The following ZSWIM7 variants were observed in gnomAD, a reference collection of about 807,000 sequenced individuals.
The protein encoded by ZSWIM7 is zinc finger SWIM-type containing 7, also known as zinc finger SWIM domain-containing protein 7.
ZSWIM7 carries 22 observed loss-of-function variants against 21.1 expected under a neutral mutation model. That is an observed-to-expected ratio of 1.04 (90% confidence interval 0.74 to 1.49). The LOEUF (loss-of-function observed/expected upper bound fraction) is 1.49, where lower values mean the gene tolerates loss of function less well. Ranked by LOEUF, ZSWIM7 falls within the 40% of genes most tolerant of loss-of-function variation. The pLI is 0.00. For synonymous variants in ZSWIM7, 67 were observed against 66.5 expected, an observed-to-expected ratio of 1.01 and a Z score of -0.04; for missense variants, 193 against 168.0, an observed-to-expected ratio of 1.15 and a Z score of -0.82.
chr17:15,976,931 A>G lies in ZSWIM7; in HGVS notation c.*1116T>C, dbSNP rs1264458978. Reference sequence around the variant, plus strand: ...GATTTCATTTTCATCTTCACGTATTATTGCTTCTTTGCTCTCTCGGTGTCC... The same window carrying G: ...GATTTCATTTTCATCTTCACGTATTGTTGCTTCTTTGCTCTCTCGGTGTCC... On this transcript the variant is annotated 3_prime_UTR_variant, in exon 5 of 5. Coordinates refer to ENST00000399277, the MANE Select transcript of ZSWIM7 (RefSeq NM_001042697.2). 6.6e-6 allele frequency: 1 copy of G among 151,294 alleles called. No homozygotes were observed. The highest frequency in any genetic ancestry group is 1.9e-4 in the East Asian group (1 of 5,160). 9.4% of individuals were successfully genotyped at this position (151,294 alleles called of 1,614,324 possible). A position where few individuals can be genotyped will look rare whatever the true frequency, so the allele number is the denominator to read the frequency against.
chr17:15,999,478 C>T (rs1970637760), intron 1 of ZSWIM7, 41 bp downstream of exon 1: 2 of 1,590,738 alleles, frequency 1.3e-6, no homozygotes, highest in Non-Finnish European at 1.7e-6. Context: ...GATGCCCCGC[C>T]CGCGCCCATG....
chr17:15,995,981 A>C (rs1344666184), intron 1 of ZSWIM7, among the ~76,000 whole-genome samples: 1 of 152,252 alleles, frequency 6.6e-6, no homozygotes, highest in Non-Finnish European at 1.5e-5. Flanking sequence ...CTAGAAGCTA[A>C]GATGTAGTGG....
chr17:15,996,685 T>C lies in ZSWIM7; in HGVS notation c.76+2834A>G, dbSNP rs7217279. On this transcript the variant is annotated intron_variant, in intron 1 of 4. Coordinates refer to ENST00000399277, the MANE Select transcript of ZSWIM7 (RefSeq NM_001042697.2). ...GGGCAACACAGTGAAACCCCGTCTC[T>C]ACAAACAATACAAAAACTAGCTGGG... 8.0e-3 allele frequency among the ~76,000 whole-genome samples: 1,211 copies of C among 152,138 alleles called. 22 individuals are homozygous for C. Among genetic ancestry groups the C allele is most frequent in the African/African-American group, 0.028 (1,153 of 41,478 alleles).
At chr17:15,979,056 T>C (rs1187043350) in intron 4 of ZSWIM7, among the ~76,000 whole-genome samples, 1 of 150,410 alleles carries the variant, frequency 6.6e-6, no homozygotes, top group Non-Finnish European at 1.5e-5. Context: ...GGCAGGGTCA[T>C]AGGACAATAG....
At chr17:15,987,540 A>C (rs980980484) in intron 2 of ZSWIM7, among the ~76,000 whole-genome samples, 172 bp from the exon 3 acceptor site, 1 of 152,092 alleles carries the variant, frequency 6.6e-6, no homozygotes, top group East Asian at 1.9e-4. Context: ...ATTAATGTTA[A>C]TATCTTGTGT....
intron 2 of ZSWIM7, among the ~76,000 whole-genome samples, chr17:15,991,913 TGTTTGTTTTGTTTTGTTTTG>T (rs1567571376): frequency 1.6e-5 from 1 of 61,040 alleles, no homozygotes; most frequent in East Asian, 2.7e-4. Context: ...TGTTTTTTTT[TGTTTGTTTTGTTTTGTTTTG>T]TTTTTTTTTT....
In ZSWIM7 at chr17:15,978,180, A is replaced by G. The variant is rs770596313; in HGVS notation, c.307-17T>C. The G allele has an allele frequency of 1.7e-5, 27 of 1,593,202 alleles. No homozygotes were observed. The South Asian group carries it at 2.5e-4, about 15-fold the overall frequency. On this transcript the variant is annotated splice_polypyrimidine_tract_variant and intron_variant, in intron 4 of 4. Transcript: ENST00000399277. ...ATGCTTGCACTGGAATATAAAACAC[A>G]CACACCTATTAGAAACAGGCAGGGC...
chr17:15,993,844 TA>T lies in ZSWIM7; in HGVS notation c.77-67del, dbSNP rs1970514172. The T allele has an allele frequency of 1.3e-5, 16 of 1,247,388 alleles. No homozygotes were observed. The Admixed American group carries it at 2.1e-4, about 17-fold the overall frequency. 77.3% of individuals were successfully genotyped at this position (1,247,388 alleles called of 1,614,324 possible). A position where few individuals can be genotyped will look rare whatever the true frequency, so the allele number is the denominator to read the frequency against. On this transcript the variant is annotated intron_variant, in intron 1 of 4. Coordinates refer to ENST00000399277, the MANE Select transcript of ZSWIM7 (RefSeq NM_001042697.2). ...GCAGTGACCATTGACATAAAAATCT[TA>T]AAAAACACTGTAACTAAAAACACTT...
chr17:15,981,693 G>C (rs1227163307), intron 3 of ZSWIM7, among the ~76,000 whole-genome samples: 1 of 152,004 alleles, frequency 6.6e-6, no homozygotes, highest in Admixed American at 6.6e-5. Context: ...AGGATCACTT[G>C]ACCCCCCCCA....
At chr17:15,993,853 C>G in intron 1 of ZSWIM7, 75 bp from the exon 2 acceptor site, 1 of 1,185,506 alleles carries the variant, frequency 8.4e-7, no homozygotes, top group Non-Finnish European at 1.2e-6. Flanking sequence ...TTAAAAAACA[C>G]TGTAACTAAA....
In ZSWIM7 at chr17:15,999,622, C is replaced by T. The variant is rs1158332806; in HGVS notation, c.-28G>A. On this transcript the variant is annotated 5_prime_UTR_variant, in exon 1 of 5. Coordinates refer to ENST00000399277, the MANE Select transcript of ZSWIM7 (RefSeq NM_001042697.2). Reference sequence around the variant, plus strand: ...CGCCGCAGGACACGCCCTCCACGACCGGCGGACCGCCGCGACGCTCCAGCT... The same window carrying T: ...CGCCGCAGGACACGCCCTCCACGACTGGCGGACCGCCGCGACGCTCCAGCT... 3 of 1,566,326 alleles carry T rather than the reference C, an allele frequency of 1.9e-6. No individual in the cohort carries two copies. In the South Asian group the frequency reaches 3.5e-5, roughly 18 times the overall value.
intron 2 of ZSWIM7, among the ~76,000 whole-genome samples, chr17:15,990,625 T>G (rs1970470436): frequency 6.6e-6 from 1 of 152,134 alleles, no homozygotes; most frequent in African/African-American, 2.4e-5. Flanking sequence ...TTTAAAGAAC[T>G]TATATGACTT....
intron 1 of ZSWIM7, among the ~76,000 whole-genome samples, chr17:15,996,393 C>T (rs1390318758): frequency 1.3e-5 from 2 of 152,084 alleles, no homozygotes; most frequent in Non-Finnish European, 2.9e-5. Flanking sequence ...CAACTATAAT[C>T]CCAGCACTTT....
intron 1 of ZSWIM7, chr17:15,999,292 G>A: frequency 1.5e-6 from 1 of 660,698 alleles, no homozygotes. Flanking sequence ...TCCTGCAACT[G>A]CGCTGTACCG....
At chr17:15,987,764 C>T (rs1189621535) in intron 2 of ZSWIM7, among the ~76,000 whole-genome samples, 1 of 152,098 alleles carries the variant, frequency 6.6e-6, no homozygotes. Flanking sequence ...GCATGTGCCA[C>T]CACACCCGGC....
chr17:15,979,861 T>C lies in ZSWIM7; in HGVS notation c.306+1179A>G, dbSNP rs1336731321. Reference sequence around the variant, plus strand: ...CCACCTCCCTCCCGGACGGGGCGGCTGGCCGGGCGGGGGGCTGACCCCCCC... The same window carrying C: ...CCACCTCCCTCCCGGACGGGGCGGCCGGCCGGGCGGGGGGCTGACCCCCCC... On this transcript the variant is annotated intron_variant, in intron 4 of 4. Coordinates refer to ENST00000399277, the MANE Select transcript of ZSWIM7 (RefSeq NM_001042697.2). Among the ~76,000 whole-genome samples the C allele has an allele frequency of 3.6e-4, 32 of 89,928 alleles. 5 individuals are homozygous for C. Among genetic ancestry groups the C allele is most frequent in the Non-Finnish European group, 5.8e-4 (26 of 44,720 alleles). 59.0% of individuals were successfully genotyped at this position (89,928 alleles called of 152,430 possible). A position where few individuals can be genotyped will look rare whatever the true frequency, so the allele number is the denominator to read the frequency against.
intron 2 of ZSWIM7, among the ~76,000 whole-genome samples, chr17:15,987,593 G>A (rs1373015379): frequency 6.6e-6 from 1 of 151,758 alleles, no homozygotes; most frequent in Non-Finnish European, 1.5e-5. Context: ...ATGTGTGTGT[G>A]TATATATATT....
At chr17:15,980,964 GA>G in intron 4 of ZSWIM7, 75 bp downstream of exon 4, 1 of 1,060,616 alleles carries the variant, frequency 9.4e-7, no homozygotes, top group Non-Finnish European at 1.4e-6. Context: ...CCATTTTGTA[GA>G]ATAGTTAAAC....
At chr17:15,988,671 A>C (rs1319497192) in intron 2 of ZSWIM7, among the ~76,000 whole-genome samples, 1 of 151,922 alleles carries the variant, frequency 6.6e-6, no homozygotes, top group Non-Finnish European at 1.5e-5. Flanking sequence ...AAAAAAAAAA[A>C]CTAAAACACA....
Sources: allele counts gnomAD v4.1 joint callset (sites outside exome capture counted in the v4.1 genomes callset), GRCh38; gene constraint gnomAD v4.1.1; transcripts MANE v1.5; gene names NCBI Gene and HGNC (gene_info 2026-07-23, HGNC 2026-07-21).